Variants in PRR16 observed in about 807,000 individuals in gnomAD.
PRR16 encodes the protein proline rich 16.
Under a neutral mutation model 18.2 loss-of-function variants are expected in PRR16, and 6 were observed. That is an observed-to-expected ratio of 0.33 (90% CI 0.18 to 0.65). PRR16 has a LOEUF of 0.65. Ranked by LOEUF, PRR16 falls within the 30% of genes least tolerant of loss-of-function variation. The probability of loss-of-function intolerance (pLI) is 0.74; values close to 1 mark genes in which losing one functional copy is unlikely to be tolerated. For missense variants in PRR16, 412 were observed against 376.6 expected (o/e 1.09, Z -0.78); for synonymous variants, 151 against 147.8 (o/e 1.02, Z -0.16).
At chr5:120,525,815 G>C (rs1213028993) in intron 1 of PRR16, among the ~76,000 whole-genome samples, 1 of 152,068 alleles carries the variant, frequency 6.6e-6, no homozygotes, top group Non-Finnish European at 1.5e-5. Context: ...AGTTCAAAGG[G>C]TCAAGTTGGT....
chr5:120,656,649 T>C (rs1385114181), intron 1 of PRR16, among the ~76,000 whole-genome samples: 6 of 151,972 alleles, frequency 3.9e-5, no homozygotes, highest in Non-Finnish European at 8.8e-5. Context: ...AAGTAGCTTT[T>C]TACCAGTTTT....
At chr5:120,532,300 AC>A (rs1751577292) in intron 1 of PRR16, among the ~76,000 whole-genome samples, 1 of 152,102 alleles carries the variant, frequency 6.6e-6, no homozygotes, top group Admixed American at 6.6e-5. Flanking sequence ...TAGGAAAACT[AC>A]CTATAGTTCC....
At chr5:120,752,361 G>A in the PRR16 span, among the ~76,000 whole-genome samples, 11 of 152,100 alleles carry the variant, frequency 7.2e-5, no homozygotes, top group Non-Finnish European at 1.2e-4. Flanking sequence ...TGAGGAAAGC[G>A]GGGAAATAAT....
intron 1 of PRR16, among the ~76,000 whole-genome samples, chr5:120,472,115 A>G (rs932060047): frequency 6.6e-6 from 1 of 152,134 alleles, no homozygotes; most frequent in Non-Finnish European, 1.5e-5. Flanking sequence ...TACTTGTAGA[A>G]TAATTGAAGT....
At chr5:120,625,444 C>T (rs1412860747) in intron 1 of PRR16, among the ~76,000 whole-genome samples, 2 of 152,114 alleles carry the variant, frequency 1.3e-5, no homozygotes, top group Non-Finnish European at 2.9e-5. Flanking sequence ...TTAAAGTGAT[C>T]TTCCCACCTC....
the PRR16 span, among the ~76,000 whole-genome samples, chr5:120,709,096 C>G: frequency 6.8e-6 from 1 of 147,832 alleles, no homozygotes; most frequent in Non-Finnish European, 1.5e-5. Flanking sequence ...CAAGCTCCAG[C>G]TCCTGGGTTC....
At chr5:120,601,093 A>G (rs894584310) in intron 1 of PRR16, among the ~76,000 whole-genome samples, 1 of 152,002 alleles carries the variant, frequency 6.6e-6, no homozygotes, top group Non-Finnish European at 1.5e-5. Context: ...ATACCCCATA[A>G]TGGGATTGCT....
intron 1 of PRR16, among the ~76,000 whole-genome samples, chr5:120,566,737 C>A (rs995071277): frequency 5.1e-4 from 77 of 152,140 alleles, no homozygotes; most frequent in African/African-American, 1.8e-3. Flanking sequence ...CAGTAAGATT[C>A]TTTTCTCTCA....
chr5:120,545,967 T>A (rs1752062029), intron 1 of PRR16, among the ~76,000 whole-genome samples: 1 of 152,116 alleles, frequency 6.6e-6, no homozygotes, highest in Non-Finnish European at 1.5e-5. Context: ...GGTGATGGTA[T>A]GGCCTTCTAC....
chr5:120,665,352 T>C (rs1198198199), intron 1 of PRR16, among the ~76,000 whole-genome samples: 1 of 152,054 alleles, frequency 6.6e-6, no homozygotes, highest in Non-Finnish European at 1.5e-5. Flanking sequence ...AGATTCTGGA[T>C]ATTAGCCCTT....
chr5:120,706,251 G>A, the PRR16 span, among the ~76,000 whole-genome samples: 2 of 152,052 alleles, frequency 1.3e-5, no homozygotes, highest in Non-Finnish European at 2.9e-5. Context: ...TTTGATAGTT[G>A]CTAAGCAAGT....
chr5:120,482,245 C>T (rs1749643048), intron 1 of PRR16, among the ~76,000 whole-genome samples: 1 of 152,102 alleles, frequency 6.6e-6, no homozygotes, highest in Admixed American at 6.6e-5. Flanking sequence ...AGGTAGTGAG[C>T]ATAGTACCCA....
chr5:120,465,574 G>A (rs1242139142), intron 1 of PRR16: 5 of 151,698 alleles, frequency 3.3e-5, no homozygotes, highest in African/African-American at 7.4e-5. Flanking sequence ...CTCAGGCGGC[G>A]GCTCCGGGCG....
the PRR16 span, among the ~76,000 whole-genome samples, chr5:120,754,365 T>C: frequency 3.4e-5 from 2 of 58,952 alleles, no homozygotes; most frequent in Non-Finnish European, 5.7e-5. Context: ...TGTATATAAA[T>C]ATATAATATA....
At chr5:120,664,191 C>T (rs1255610552) in intron 1 of PRR16, among the ~76,000 whole-genome samples, 1 of 151,924 alleles carries the variant, frequency 6.6e-6, no homozygotes, top group Non-Finnish European at 1.5e-5. Flanking sequence ...CCCAGCTACT[C>T]AGAATGCTGA....
At chr5:120,754,876 G>C in the PRR16 span, among the ~76,000 whole-genome samples, 2 of 151,144 alleles carry the variant, frequency 1.3e-5, no homozygotes, top group East Asian at 3.9e-4. Context: ...GAAACCATGA[G>C]GTATAAGGAG....
chr5:120,495,847 A>C (rs1460279876), intron 1 of PRR16, among the ~76,000 whole-genome samples: 1 of 151,992 alleles, frequency 6.6e-6, no homozygotes, highest in Non-Finnish European at 1.5e-5. Flanking sequence ...GTTCAATAAG[A>C]GTGGTGAGAT....
rs536867757 is a variant in PRR16 at position 120,521,571 on chromosome 5, TTGCAAACATTG to T, written c.159+56932_159+56942del. The stretch of plus-strand genomic sequence containing the variant: ...GGGGTACAGTGTGATGTTTCAATAT[TTGCAAACATTG>T]TGCAATGATCAAATCAGGGTAATTA... On this transcript the variant is annotated intron_variant, in intron 1 of 1. Coordinates refer to ENST00000407149, the MANE Select transcript of PRR16 (RefSeq NM_001300783.2). 7.4e-4 allele frequency among the ~76,000 whole-genome samples: 113 copies of T among 152,282 alleles called. 1 individual carries two copies. The South Asian group carries it at 0.023, about 30-fold the overall frequency.
the PRR16 span, among the ~76,000 whole-genome samples, chr5:120,764,742 T>C: frequency 6.6e-6 from 1 of 152,138 alleles, no homozygotes; most frequent in South Asian, 2.1e-4. Flanking sequence ...CCTTATTACT[T>C]GTAGAGGTCA....
Sources: gnomAD v4.1 joint callset for allele counts (sites outside exome capture counted in the v4.1 genomes callset) on GRCh38, gnomAD v4.1.1 for gene constraint, MANE v1.5 for transcripts, NCBI Gene and HGNC (gene_info 2026-07-23, HGNC 2026-07-21) for gene names.